Variants in ADAM12 observed in about 807,000 individuals in gnomAD.
ADAM12 encodes ADAM metallopeptidase domain 12, also known as disintegrin and metalloproteinase domain-containing protein 12.
ADAM12 carries 70 observed loss-of-function variants against 106.4 expected under a neutral mutation model. That is an observed-to-expected ratio of 0.66 (90% CI 0.54 to 0.80). The LOEUF is 0.80. ADAM12 is among the 30% of genes least tolerant of loss of function. The pLI is 0.00. For synonymous variants in ADAM12, 420 were observed against 433.5 expected, an observed-to-expected ratio of 0.97 and a Z score of 0.39; for missense variants, 1,010 against 1,171.9, an observed-to-expected ratio of 0.86 and a Z score of 2.02.
intron 3 of ADAM12, among the ~76,000 whole-genome samples, chr10:126,247,507 G>C (rs567317230): frequency 1.2e-4 from 18 of 152,188 alleles, no homozygotes; most frequent in Non-Finnish European, 2.4e-4. Flanking sequence ...ATTTAGGAGA[G>C]AGCCTGCCAT....
chr10:126,146,175 G>A (rs550775404), intron 4 of ADAM12, among the ~76,000 whole-genome samples: 1 of 152,294 alleles, frequency 6.6e-6, no homozygotes, highest in South Asian at 2.1e-4. Flanking sequence ...GGTGTGGAAT[G>A]TGCTGTGGAG....
intron 1 of ADAM12, among the ~76,000 whole-genome samples, chr10:126,384,400 G>A (rs1034109765): frequency 1.3e-5 from 2 of 152,176 alleles, no homozygotes; most frequent in African/African-American, 4.8e-5. Context: ...CCACAGAAAT[G>A]AGGAATGAAC....
intron 21 of ADAM12, among the ~76,000 whole-genome samples, chr10:126,032,844 T>TGTCA (rs1564998232): frequency 6.6e-6 from 1 of 152,066 alleles, no homozygotes; most frequent in Non-Finnish European, 1.5e-5. Context: ...GTAAAAGAAC[T>TGTCA]GTCAATAAAC....
At chr10:126,385,238 C>G (rs529469248) in intron 1 of ADAM12, among the ~76,000 whole-genome samples, 2 of 152,290 alleles carry the variant, frequency 1.3e-5, no homozygotes, top group East Asian at 3.9e-4. Context: ...ATTCTACAAA[C>G]CTTGTCCTTT....
rs8181415 is a variant in ADAM12, at chr10:126,071,247, C to T, written c.1323+230G>A. On this transcript the variant is annotated intron_variant, in intron 12 of 22. Coordinates refer to ENST00000448723, the MANE Select transcript of ADAM12 (RefSeq NM_001288973.2). ...ATCTTGCTGAGAATGCTGTACCCTT[C>T]GATAAGATTATTTATCTTTTTAAAT... Among the ~76,000 whole-genome samples, 1,964 of 152,210 alleles carry T rather than the reference C, an allele frequency of 0.013. 71 individuals carry two copies. In the East Asian group the frequency reaches 0.14, roughly 11 times the overall value.
chr10:126,380,138 G>A (rs1042247794), intron 1 of ADAM12, among the ~76,000 whole-genome samples: 25 of 152,230 alleles, frequency 1.6e-4, no homozygotes, highest in East Asian at 1.5e-3. Context: ...TGAATTACTC[G>A]GCTTTTCCAT....
At chr10:126,387,313 C>T (rs10901606) in intron 1 of ADAM12, among the ~76,000 whole-genome samples, 19,530 of 152,078 alleles carry the variant, frequency 0.13, 1,809 homozygotes, top group East Asian at 0.41. Flanking sequence ...TCGGGAAAAC[C>T]TAAGTCTGTA....
intron 21 of ADAM12, among the ~76,000 whole-genome samples, chr10:126,021,738 G>A (rs897186384): frequency 2.6e-5 from 4 of 152,134 alleles, no homozygotes; most frequent in Non-Finnish European, 4.4e-5. Flanking sequence ...CCTTCCTCCC[G>A]GGTGGATGTG....
At chr10:126,253,222 T>C (rs1217643131) in intron 3 of ADAM12, among the ~76,000 whole-genome samples, 1 of 151,972 alleles carries the variant, frequency 6.6e-6, no homozygotes, top group African/African-American at 2.4e-5. Flanking sequence ...TCTTGACATT[T>C]ACTGCAATTT....
intron 3 of ADAM12, among the ~76,000 whole-genome samples, chr10:126,191,585 G>A (rs1270710313): frequency 6.6e-6 from 1 of 151,980 alleles, no homozygotes; most frequent in Non-Finnish European, 1.5e-5. Flanking sequence ...GTTCTGGTTT[G>A]AGTGATGGAG....
intron 11 of ADAM12, among the ~76,000 whole-genome samples, chr10:126,080,945 G>A (rs1330528741): frequency 1.3e-5 from 2 of 152,146 alleles, no homozygotes; most frequent in African/African-American, 4.8e-5. Flanking sequence ...TATTCTTGGG[G>A]GTGAATCACA....
intron 4 of ADAM12, among the ~76,000 whole-genome samples, chr10:126,136,554 C>G (rs936686466): frequency 3.3e-5 from 5 of 152,188 alleles, no homozygotes; most frequent in Non-Finnish European, 5.9e-5. Context: ...ACTGCACCCT[C>G]CTTAGCACAC....
intron 2 of ADAM12, among the ~76,000 whole-genome samples, chr10:126,294,847 C>T (rs911379622): frequency 6.6e-6 from 1 of 151,950 alleles, no homozygotes; most frequent in Non-Finnish European, 1.5e-5. Context: ...GAAAAGATTT[C>T]TGATGCATTA....
chr10:126,354,721 A>G (rs1458107641), intron 1 of ADAM12, among the ~76,000 whole-genome samples: 1 of 152,174 alleles, frequency 6.6e-6, no homozygotes, highest in East Asian at 1.9e-4. Context: ...CTTTAGGGGG[A>G]AAGAAATTTT....
chr10:126,245,521 C>T (rs539774268), intron 3 of ADAM12, among the ~76,000 whole-genome samples: 2 of 151,978 alleles, frequency 1.3e-5, no homozygotes, highest in Non-Finnish European at 2.9e-5. Flanking sequence ...GGCAGGAGGT[C>T]GGGGCTAGAG....
chr10:126,216,338 C>G (rs1957987009), intron 3 of ADAM12, among the ~76,000 whole-genome samples: 4 of 152,170 alleles, frequency 2.6e-5, no homozygotes. Flanking sequence ...ACAGCAAAGC[C>G]CACTTCGAAC....
At chr10:126,046,484 G>A (rs1954322894) in intron 16 of ADAM12, among the ~76,000 whole-genome samples, 1 of 152,044 alleles carries the variant, frequency 6.6e-6, no homozygotes, top group South Asian at 2.1e-4. Context: ...ATGTACTGCA[G>A]TATTTTTTTC....
At chr10:126,101,921 C>G (rs893683331) in intron 8 of ADAM12, among the ~76,000 whole-genome samples, 1 of 152,142 alleles carries the variant, frequency 6.6e-6, no homozygotes, top group South Asian at 2.1e-4. Context: ...TGAAGTTCCT[C>G]TTTTATGCGC....
At chr10:126,090,492 G>A (rs1203007504) in intron 11 of ADAM12, among the ~76,000 whole-genome samples, 1 of 152,064 alleles carries the variant, frequency 6.6e-6, no homozygotes, top group Admixed American at 6.6e-5. Context: ...ACCTCCCTAA[G>A]ACCAAGGGCT....
Sources: allele counts gnomAD v4.1 joint callset (sites outside exome capture counted in the v4.1 genomes callset), GRCh38; gene constraint gnomAD v4.1.1; transcripts MANE v1.5; gene names NCBI Gene and HGNC (gene_info 2026-07-23, HGNC 2026-07-21).